Variants in RNF17 observed in about 807,000 individuals in gnomAD.
RNF17 encodes ring finger protein 17.
RNF17 carries 31 observed loss-of-function variants against 200.5 expected under a neutral mutation model. That is an observed-to-expected ratio of 0.15 (90% CI 0.12 to 0.21). RNF17 has a LOEUF of 0.21. Among genes scored for constraint, RNF17 ranks in the 10% least tolerant of loss-of-function variants. The probability of loss-of-function intolerance (pLI) is 1.00; values close to 1 mark genes in which losing one functional copy is unlikely to be tolerated. For synonymous variants in RNF17, 606 were observed against 637.8 expected (o/e 0.95, Z 0.75); for missense variants, 1,628 against 1,905.1 (o/e 0.85, Z 2.71).
At chr13:24,827,752 G>T (rs185481950) in intron 16 of RNF17, among the ~76,000 whole-genome samples, 1 of 148,640 alleles carries the variant, frequency 6.7e-6, no homozygotes, top group African/African-American at 2.5e-5. Context: ...TTACTTCTCG[G>T]TTCTAGAGTC....
chr13:24,849,183 T>TG (rs1593424612), intron 22 of RNF17, among the ~76,000 whole-genome samples: 1 of 152,194 alleles, frequency 6.6e-6, no homozygotes, highest in East Asian at 1.9e-4. Context: ...CAGAATTAAT[T>TG]GTTTACTCAG....
At chr13:24,840,707 C>T (rs1301386968) in intron 18 of RNF17, among the ~76,000 whole-genome samples, 2 of 149,032 alleles carry the variant, frequency 1.3e-5, no homozygotes, top group Admixed American at 6.7e-5. Context: ...GCTATGAGGA[C>T]GCAAAGGAAT....
At chr13:24,764,470 C>A in intron 1 of RNF17, 137 bp downstream of exon 1, 1 of 1,268,668 alleles carries the variant, frequency 7.9e-7, no homozygotes, top group Non-Finnish European at 1.0e-6. Flanking sequence ...ACAGGCCTCC[C>A]GCGAGCTGCA....
At chr13:24,789,181 C>T (rs9634408) in intron 7 of RNF17, among the ~76,000 whole-genome samples, 167 bp from the exon 8 acceptor site, 3 of 152,074 alleles carry the variant, frequency 2.0e-5, no homozygotes, top group Admixed American at 2.0e-4. Context: ...ATACATATCT[C>T]CAAAAGTCAT....
At chr13:24,868,547 G>A (rs1162524418) in intron 30 of RNF17, 53 bp from the exon 31 acceptor site, 3 of 690,036 alleles carry the variant, frequency 4.3e-6, no homozygotes, top group Non-Finnish European at 7.5e-6. Context: ...TTTTTATAAT[G>A]TAATAGATTT....
intron 30 of RNF17, among the ~76,000 whole-genome samples, chr13:24,867,583 G>T (rs895706297): frequency 2.0e-5 from 3 of 152,008 alleles, no homozygotes; most frequent in African/African-American, 7.2e-5. Flanking sequence ...TTGTCTACCA[G>T]TTTGAAATGT....
chr13:24,870,493 C>A, intron 31 of RNF17, 78 bp from the exon 32 acceptor site: 1 of 1,295,758 alleles, frequency 7.7e-7, no homozygotes, highest in Non-Finnish European at 1.1e-6. Context: ...AGGCTGTCTG[C>A]TACAGTAATT....
chr13:24,797,705 A>AGTTTGTGTGTCTGTCTGTGT (rs59493601), intron 11 of RNF17, among the ~76,000 whole-genome samples: 1 of 119,048 alleles, frequency 8.4e-6, no homozygotes, highest in Non-Finnish European at 1.7e-5. Context: ...AGAGACAAAG[A>AGTTTGTGTGTCTGTCTGTGT]GTGTGTGTGT....
chr13:24,860,885 T>TTTG (rs1893023476), intron 26 of RNF17, among the ~76,000 whole-genome samples: 1 of 151,798 alleles, frequency 6.6e-6, no homozygotes, highest in Non-Finnish European at 1.5e-5. Flanking sequence ...AGATGTCTTT[T>TTTG]TTTTTTTTTT....
chr13:24,871,456 GCCT>G (rs1174281312), intron 32 of RNF17, among the ~76,000 whole-genome samples: 1 of 152,052 alleles, frequency 6.6e-6, no homozygotes, highest in Non-Finnish European at 1.5e-5. Context: ...TCCTGCCTCA[GCCT>G]CCCAAGTAGT....
At chr13:24,867,293 TG>T (rs1450432580) in intron 30 of RNF17, among the ~76,000 whole-genome samples, 1 of 152,180 alleles carries the variant, frequency 6.6e-6, no homozygotes, top group Non-Finnish European at 1.5e-5. Flanking sequence ...GCAGAGTAGC[TG>T]GAACTAAAGG....
downstream of RNF17, chr13:24,883,465 G>C (rs1172726686): frequency 6.5e-6 from 6 of 929,560 alleles, no homozygotes; most frequent in Admixed American, 1.4e-4. Context: ...GAGTCTGGCA[G>C]CTACTTCTGG....
downstream of RNF17, chr13:24,882,444 A>G (rs1216526365): frequency 6.6e-6 from 1 of 151,944 alleles, no homozygotes; most frequent in East Asian, 1.9e-4. Context: ...TGACTTGCCC[A>G]TCCTTCAGGG....
intron 17 of RNF17, 112 bp downstream of exon 17, chr13:24,830,711 G>C: frequency 1.3e-6 from 1 of 746,990 alleles, no homozygotes; most frequent in South Asian, 1.6e-5. Flanking sequence ...TCTAGTTGCT[G>C]ATACAGGGAC....
chr13:24,801,179 T>A (rs900609116), intron 13 of RNF17, among the ~76,000 whole-genome samples: 6 of 152,228 alleles, frequency 3.9e-5, no homozygotes, highest in African/African-American at 1.4e-4. Context: ...GAGTGTTTTG[T>A]TTTTAATTTT....
chr13:24,820,975 A>C (rs1467020342), intron 15 of RNF17, among the ~76,000 whole-genome samples: 2 of 152,180 alleles, frequency 1.3e-5, no homozygotes, highest in African/African-American at 4.8e-5. Context: ...CTTAAACAAC[A>C]GAATTTATTG....
Position 24,779,427 on chromosome 13 carries a change from A to C in RNF17, c.430-240A>C, listed in dbSNP as rs144804844. Reference sequence around the variant, plus strand: ...ACAGGGCATTATCCCATTTAAAAAAATATCTTTATGAAAAAAATCTGGAAT... The same window carrying C: ...ACAGGGCATTATCCCATTTAAAAAACTATCTTTATGAAAAAAATCTGGAAT... On this transcript the variant is annotated intron_variant, in intron 4 of 35. Coordinates refer to ENST00000255324, the MANE Select transcript of RNF17 (RefSeq NM_031277.3). Among the ~76,000 whole-genome samples, 3 of 152,306 alleles carry C rather than the reference A, an allele frequency of 2.0e-5. No homozygotes were observed. In the East Asian group the frequency reaches 5.8e-4, roughly 29 times the overall value.
chr13:24,813,131 TA>T (rs140843650), intron 15 of RNF17, among the ~76,000 whole-genome samples: 1 of 152,080 alleles, frequency 6.6e-6, no homozygotes, highest in Non-Finnish European at 1.5e-5. Context: ...GTCATCCATT[TA>T]TTTTTTTAAA....
intron 34 of RNF17, 29 bp downstream of exon 34, chr13:24,877,215 G>A (rs1236044279): frequency 1.3e-6 from 2 of 1,571,846 alleles, no homozygotes; most frequent in Non-Finnish European, 1.7e-6. Context: ...CAAAATTATT[G>A]TAAAGCTATT....
Sources: allele counts gnomAD v4.1 joint callset (sites outside exome capture counted in the v4.1 genomes callset), GRCh38; gene constraint gnomAD v4.1.1; transcripts MANE v1.5; gene names NCBI Gene and HGNC (gene_info 2026-07-23, HGNC 2026-07-21).